Variants in ENTREP2 observed in about 807,000 individuals in gnomAD.
The protein encoded by ENTREP2 is protein ENTREP2.
the ENTREP2 span, among the ~76,000 whole-genome samples, chr15:29,319,501 A>G: frequency 3.3e-5 from 5 of 152,360 alleles, no homozygotes; most frequent in African/African-American, 1.2e-4. Context: ...AGATGCCCAG[A>G]TTTCTGACAC....
chr15:29,402,867 C>T, the ENTREP2 span, among the ~76,000 whole-genome samples: 8 of 152,184 alleles, frequency 5.3e-5, no homozygotes, highest in Admixed American at 3.9e-4. Context: ...CCCAAGCCAG[C>T]GACAGCTGGT....
chr15:29,182,640 G>C, the ENTREP2 span, among the ~76,000 whole-genome samples: 1 of 151,932 alleles, frequency 6.6e-6, no homozygotes, highest in African/African-American at 2.4e-5. Context: ...TGGTGTGTGT[G>C]TATATATGAG....
chr15:29,241,683 CTTTCA>C, the ENTREP2 span, among the ~76,000 whole-genome samples: 1 of 152,166 alleles, frequency 6.6e-6, no homozygotes, highest in Non-Finnish European at 1.5e-5. Flanking sequence ...CTCTGTTATG[CTTTCA>C]TTTAAAAATA....
the ENTREP2 span, among the ~76,000 whole-genome samples, chr15:29,192,885 G>T: frequency 6.6e-6 from 1 of 151,674 alleles, no homozygotes; most frequent in African/African-American, 2.4e-5. Context: ...AGCAGACGTA[G>T]TAAAAGACTG....
At chr15:29,390,557 G>T in the ENTREP2 span, among the ~76,000 whole-genome samples, 1 of 152,120 alleles carries the variant, frequency 6.6e-6, no homozygotes, top group African/African-American at 2.4e-5. Flanking sequence ...CCTAATAGAG[G>T]CAAGAGATAA....
At chr15:29,439,120 C>G in the ENTREP2 span, among the ~76,000 whole-genome samples, 1 of 152,112 alleles carries the variant, frequency 6.6e-6, no homozygotes, top group Non-Finnish European at 1.5e-5. Context: ...AACTAGCACC[C>G]TGGTTTTCTA....
the ENTREP2 span, among the ~76,000 whole-genome samples, chr15:29,458,441 C>A: frequency 0.037 from 5,639 of 152,220 alleles, 143 homozygotes; most frequent in South Asian, 0.11. Context: ...ATAAAATTAA[C>A]CATCGCAGAG....
chr15:29,288,458 C>A, the ENTREP2 span, among the ~76,000 whole-genome samples: 274 of 152,304 alleles, frequency 1.8e-3, no homozygotes, highest in African/African-American at 6.4e-3. Flanking sequence ...GAAAGTTCTT[C>A]CCACATGGCT....
At chr15:29,259,441 A>G in the ENTREP2 span, among the ~76,000 whole-genome samples, 2 of 152,134 alleles carry the variant, frequency 1.3e-5, no homozygotes, top group Non-Finnish European at 2.9e-5. Context: ...TGCCTGAGAA[A>G]ATTCAAGGCT....
At chr15:29,337,204 G>A in the ENTREP2 span, among the ~76,000 whole-genome samples, 1 of 152,196 alleles carries the variant, frequency 6.6e-6, no homozygotes, top group Admixed American at 6.5e-5. Flanking sequence ...TTGACCTGGA[G>A]GAATGTGGAA....
At chr15:29,510,605 A>C in the ENTREP2 span, among the ~76,000 whole-genome samples, 3 of 151,912 alleles carry the variant, frequency 2.0e-5, no homozygotes, top group African/African-American at 7.3e-5. Flanking sequence ...GGAGATCGAG[A>C]CCATCCTGGC....
the ENTREP2 span, among the ~76,000 whole-genome samples, chr15:29,572,252 G>A: frequency 6.6e-6 from 1 of 152,208 alleles, no homozygotes; most frequent in Non-Finnish European, 1.5e-5. Context: ...TCAAAATGCT[G>A]GCCCGTGGCC....
the ENTREP2 span, among the ~76,000 whole-genome samples, chr15:29,608,945 G>A: frequency 0.017 from 2,546 of 152,080 alleles, 78 homozygotes; most frequent in African/African-American, 0.057. Flanking sequence ...TGCTCGTCTC[G>A]AATTGGCCCA....
the ENTREP2 span, among the ~76,000 whole-genome samples, chr15:29,398,739 T>C: frequency 3.9e-5 from 6 of 151,932 alleles, no homozygotes; most frequent in Non-Finnish European, 5.9e-5. Context: ...TAAAATAAAA[T>C]AAAACAAAAT....
the ENTREP2 span, among the ~76,000 whole-genome samples, chr15:29,672,070 T>C: frequency 6.6e-6 from 1 of 152,224 alleles, no homozygotes; most frequent in Non-Finnish European, 1.5e-5. Flanking sequence ...CACTGCAACC[T>C]CTGCCTCCTG....
At chr15:29,612,318 G>A in the ENTREP2 span, among the ~76,000 whole-genome samples, 1 of 152,144 alleles carries the variant, frequency 6.6e-6, no homozygotes, top group African/African-American at 2.4e-5. Flanking sequence ...CCCCCAGGGA[G>A]AAGCTACTCT....
chr15:29,340,100 A>G, the ENTREP2 span, among the ~76,000 whole-genome samples: 1 of 152,252 alleles, frequency 6.6e-6, no homozygotes, highest in Non-Finnish European at 1.5e-5. Context: ...TTGCTGCAAG[A>G]TAAAACTGAC....
chr15:29,387,705 C>T, the ENTREP2 span, among the ~76,000 whole-genome samples: 1 of 152,148 alleles, frequency 6.6e-6, no homozygotes, highest in Non-Finnish European at 1.5e-5. Context: ...CATCACACTA[C>T]CTGACTTCAA....
chr15:29,167,622 A>C, the ENTREP2 span, among the ~76,000 whole-genome samples: 1 of 152,242 alleles, frequency 6.6e-6, no homozygotes, highest in African/African-American at 2.4e-5. Context: ...GTGTGATACC[A>C]CGTTACTCCT....
Sources: allele counts gnomAD v4.1 joint callset (sites outside exome capture counted in the v4.1 genomes callset), GRCh38; gene constraint gnomAD v4.1.1; transcripts MANE v1.5; gene names NCBI Gene and HGNC (gene_info 2026-07-23, HGNC 2026-07-21).